Variants in ZMIZ1 observed in about 807,000 individuals in gnomAD.
The protein encoded by ZMIZ1 is zinc finger MIZ-type containing 1.
Under a neutral mutation model 113.9 loss-of-function variants are expected in ZMIZ1, and 17 were observed. The ratio of observed to expected loss-of-function variants is 0.15; its 90% CI spans 0.10 to 0.22. The LOEUF is 0.22. Among genes scored for constraint, ZMIZ1 ranks in the 10% least tolerant of loss-of-function variants. ZMIZ1 has a pLI of 1.00. For missense variants in ZMIZ1, 1,059 were observed against 1,477.8 expected, an observed-to-expected ratio of 0.72 and a Z score of 4.65; for synonymous variants, 607 against 603.1, an observed-to-expected ratio of 1.01 and a Z score of -0.09.
chr10:79,155,880 G>A (rs977632529), intron 3 of ZMIZ1, among the ~76,000 whole-genome samples: 1 of 152,240 alleles, frequency 6.6e-6, no homozygotes, highest in African/African-American at 2.4e-5. Flanking sequence ...CCCGAGGGAC[G>A]GTGGCTCTGC....
chr10:79,201,744 C>T (rs1452145836), intron 5 of ZMIZ1, 52 bp downstream of exon 5: 5 of 1,594,942 alleles, frequency 3.1e-6, no homozygotes, highest in Admixed American at 1.7e-5. Context: ...GGGCGGGCTG[C>T]AGCAGCAGGG....
At chr10:79,307,844 G>T (rs1272167573) in intron 23 of ZMIZ1, among the ~76,000 whole-genome samples, 1 of 151,910 alleles carries the variant, frequency 6.6e-6, no homozygotes. Context: ...ACACACACAC[G>T]TGCATGCACT....
chr10:79,210,634 G>T (rs1334267915), intron 6 of ZMIZ1, among the ~76,000 whole-genome samples: 1 of 152,210 alleles, frequency 6.6e-6, no homozygotes, highest in Non-Finnish European at 1.5e-5. Flanking sequence ...CAGAAAGAAG[G>T]CTCAGGTGGC....
In ZMIZ1 at chr10:79,300,810, G is replaced by A. The variant is rs1002276882; in HGVS notation, c.1887G>A (p.Gln629=). The change falls in exon 17 of 25, where the codon CAG becomes CAA. Residue 629 remains glutamine, a synonymous_variant. Coordinates refer to ENST00000334512, the MANE Select transcript of ZMIZ1 (RefSeq NM_020338.4). ...ACACCAACTGGCCCGCCTCGGTGCA[G>A]GTCAGCGTGAACGCCACGCCCCTCA... is the stretch of plus-strand genomic sequence containing the variant. The part of the protein sequence containing the change: ...QMNTNWPASV[Q]VSVNATPLTI... 2 of 1,613,964 alleles carry A rather than the reference G, an allele frequency of 1.2e-6. No individual in the cohort carries two copies. The highest frequency in any genetic ancestry group is 1.7e-6 in the Non-Finnish European group (2 of 1,179,998).
chr10:79,113,700 C>T (rs1843853536), intron 1 of ZMIZ1, among the ~76,000 whole-genome samples: 1 of 152,042 alleles, frequency 6.6e-6, no homozygotes, highest in Admixed American at 6.5e-5. Context: ...ATTTTCTGCT[C>T]CCCCTCCAAG....
intron 24 of ZMIZ1, 120 bp downstream of exon 24, chr10:79,311,304 G>GA: frequency 5.6e-6 from 2 of 359,152 alleles, no homozygotes; most frequent in Admixed American, 3.6e-5. Context: ...TGGGCGGTGG[G>GA]AGGGCTTCAC....
intron 7 of ZMIZ1, among the ~76,000 whole-genome samples, chr10:79,241,572 A>G (rs1849833308): frequency 6.6e-6 from 1 of 152,016 alleles, no homozygotes; most frequent in East Asian, 1.9e-4. Flanking sequence ...AAAAGGCTCA[A>G]GTTATGAAGT....
intron 1 of ZMIZ1, among the ~76,000 whole-genome samples, chr10:79,115,749 C>T (rs1589289541): frequency 6.6e-6 from 1 of 152,204 alleles, no homozygotes; most frequent in Non-Finnish European, 1.5e-5. Flanking sequence ...AGAGGGGTGG[C>T]CAGGCCAAGG....
At chr10:79,253,271 G>T (rs945441078) in intron 7 of ZMIZ1, among the ~76,000 whole-genome samples, 10 of 152,344 alleles carry the variant, frequency 6.6e-5, no homozygotes, top group African/African-American at 2.4e-4. Context: ...ACTAGGACGT[G>T]TGGGGGTCGT....
chr10:79,109,450 G>A (rs548976157), intron 1 of ZMIZ1, among the ~76,000 whole-genome samples: 5 of 152,332 alleles, frequency 3.3e-5, no homozygotes, highest in African/African-American at 1.2e-4. Flanking sequence ...AATGAGTATA[G>A]AGTGCCCCAG....
chr10:79,097,023 A>G (rs1253864075), intron 1 of ZMIZ1, among the ~76,000 whole-genome samples: 3 of 152,204 alleles, frequency 2.0e-5, no homozygotes, highest in Admixed American at 6.5e-5. Context: ...GAGGGGTCCC[A>G]TGTGGCTCGG....
intron 8 of ZMIZ1, among the ~76,000 whole-genome samples, chr10:79,286,326 C>T (rs2132010506): frequency 6.6e-6 from 1 of 152,362 alleles, no homozygotes; most frequent in Non-Finnish European, 1.5e-5. Flanking sequence ...GTGGTGGTAT[C>T]TTGAGTCTAG....
chr10:79,212,097 G>A (rs971406263), intron 6 of ZMIZ1, among the ~76,000 whole-genome samples: 1 of 151,990 alleles, frequency 6.6e-6, no homozygotes, highest in African/African-American at 2.4e-5. Flanking sequence ...TTGCTTTGTG[G>A]GACTAATGTA....
intron 7 of ZMIZ1, among the ~76,000 whole-genome samples, chr10:79,275,043 C>T (rs996252741): frequency 5.9e-5 from 9 of 152,244 alleles, no homozygotes; most frequent in Non-Finnish European, 5.9e-5. Context: ...TGCGATCCAG[C>T]GGGCCTCGTG....
intron 4 of ZMIZ1, among the ~76,000 whole-genome samples, chr10:79,198,245 T>C (rs1430333591): frequency 6.6e-6 from 1 of 152,004 alleles, no homozygotes; most frequent in Non-Finnish European, 1.5e-5. Context: ...GGCGACAGAC[T>C]CTGTCTCAAA....
intron 19 of ZMIZ1, among the ~76,000 whole-genome samples, chr10:79,304,429 G>A (rs952316609): frequency 1.3e-5 from 2 of 152,204 alleles, no homozygotes; most frequent in African/African-American, 2.4e-5. Context: ...ATGCCAGCTG[G>A]AAGTCCCACA....
chr10:79,104,033 G>A (rs1186611235), intron 1 of ZMIZ1, among the ~76,000 whole-genome samples: 1 of 152,204 alleles, frequency 6.6e-6, no homozygotes, highest in East Asian at 1.9e-4. Flanking sequence ...CCACTCCTGT[G>A]CCTGGACTGG....
chr10:79,232,012 G>C (rs995640858), intron 7 of ZMIZ1, among the ~76,000 whole-genome samples: 1 of 152,206 alleles, frequency 6.6e-6, no homozygotes, highest in Non-Finnish European at 1.5e-5. Context: ...ATGATGGGAG[G>C]AGGGTCAGTT....
intron 8 of ZMIZ1, among the ~76,000 whole-genome samples, chr10:79,280,049 C>T (rs1852617488): frequency 6.7e-6 from 1 of 150,324 alleles, no homozygotes. Context: ...AGTACAGTGG[C>T]GCAATCTCGG....
Sources: allele counts gnomAD v4.1 joint callset (sites outside exome capture counted in the v4.1 genomes callset), GRCh38; gene constraint gnomAD v4.1.1; transcripts MANE v1.5; gene names NCBI Gene and HGNC (gene_info 2026-07-23, HGNC 2026-07-21).